Variants in IL1RAPL1 observed in about 807,000 individuals in gnomAD.
The protein encoded by IL1RAPL1 is interleukin 1 receptor accessory protein like 1, also known as interleukin-1 receptor accessory protein-like 1.
In IL1RAPL1, 3 loss-of-function variants were observed where a neutral mutation model predicts 48.4. The ratio of observed to expected loss-of-function variants is 0.06; its 90% confidence interval spans 0.03 to 0.16. The LOEUF (loss-of-function observed/expected upper bound fraction) is 0.16, where lower values mean the gene tolerates loss of function less well. IL1RAPL1 is among the 10% of genes least tolerant of loss of function. The pLI, the probability that IL1RAPL1 is intolerant of heterozygous loss-of-function variation, is 1.00. For synonymous variants in IL1RAPL1, 185 were observed against 187.7 expected (o/e 0.99, Z 0.12); for missense variants, 349 against 530.6 (o/e 0.66, Z 3.36).
intron 1 of IL1RAPL1, among the ~76,000 whole-genome samples, chrX:28,649,041 A>G (rs1390066411): frequency 2.7e-5 from 3 of 112,109 alleles, no homozygotes; most frequent in Non-Finnish European, 3.8e-5. Context: ...TATTATTGTC[A>G]TGGAAGCCAC....
At chrX:28,749,356 G>A (rs1192305426) in intron 1 of IL1RAPL1, among the ~76,000 whole-genome samples, 1 of 111,288 alleles carries the variant, frequency 9.0e-6, no homozygotes, top group Non-Finnish European at 1.9e-5. Flanking sequence ...TTCATAATGG[G>A]TGTACCAATT....
intron 5 of IL1RAPL1, among the ~76,000 whole-genome samples, chrX:29,631,532 C>T (rs779574759): frequency 2.9e-4 from 33 of 112,329 alleles, no homozygotes; most frequent in African/African-American, 9.7e-4. Context: ...CTGCCTGCCT[C>T]GGCCCCCACA....
intron 2 of IL1RAPL1, among the ~76,000 whole-genome samples, chrX:29,258,633 G>T (rs1444001112): frequency 9.1e-6 from 1 of 109,552 alleles, no homozygotes; most frequent in Non-Finnish European, 1.9e-5. Flanking sequence ...GCTCCGAAAT[G>T]TATGCACCCT....
rs189075265 is a variant in IL1RAPL1 at position 29,177,427 on chromosome X, G to A, written c.83-105511G>A. On this transcript the variant is annotated intron_variant, in intron 2 of 10. Transcript: ENST00000378993. ...GCTGAATAGACCTATTTTATTTTAT[G>A]AAAAATTGGCACAAAATGCTTCTGT... is the stretch of plus-strand genomic sequence containing the variant. Among the ~76,000 whole-genome samples the A allele has an allele frequency of 2.8e-4, 31 of 111,702 alleles. No homozygotes were observed. The East Asian group carries it at 8.7e-3, about 31-fold the overall frequency.
At position 29,093,127 on chromosome X, in the gene IL1RAPL1, A is replaced by G. The variant is rs190731517; in HGVS notation, c.83-189811A>G. 1.2e-4 allele frequency among the ~76,000 whole-genome samples: 13 copies of G among 112,086 alleles called. No individual in the cohort carries two copies. The East Asian group carries it at 3.4e-3, about 29-fold the overall frequency. ...ACAAGATCAATCAGGTGACCTTGAT[A>G]TATTAGGCTTTTCTCATATTGCTAT... On this transcript the variant is annotated intron_variant, in intron 2 of 10. Transcript: ENST00000378993.
At chrX:29,757,874 A>T (rs1296373965) in intron 6 of IL1RAPL1, among the ~76,000 whole-genome samples, 1 of 111,453 alleles carries the variant, frequency 9.0e-6, no homozygotes, top group Non-Finnish European at 1.9e-5. Flanking sequence ...TCCAATTTTA[A>T]TTTTTTTTAA....
chrX:29,897,077 T>G (rs919383214), intron 6 of IL1RAPL1, among the ~76,000 whole-genome samples: 1 of 112,284 alleles, frequency 8.9e-6, no homozygotes, highest in Non-Finnish European at 1.9e-5. Flanking sequence ...GAGTAGGGGT[T>G]CTGGGTAATC....
At chrX:29,692,018 A>T (rs976860015) in intron 6 of IL1RAPL1, among the ~76,000 whole-genome samples, 3 of 112,489 alleles carry the variant, frequency 2.7e-5, no homozygotes, top group African/African-American at 9.7e-5. Flanking sequence ...TTTACAATGA[A>T]GGTGACACAA....
intron 5 of IL1RAPL1, among the ~76,000 whole-genome samples, chrX:29,588,220 C>T (rs1923247883): frequency 1.8e-5 from 2 of 112,388 alleles, no homozygotes; most frequent in Non-Finnish European, 3.8e-5. Flanking sequence ...TCAGCACCTA[C>T]TATGTGTCAG....
At chrX:28,663,484 G>A (rs970812094) in intron 1 of IL1RAPL1, among the ~76,000 whole-genome samples, 1 of 112,058 alleles carries the variant, frequency 8.9e-6, no homozygotes, top group Non-Finnish European at 1.9e-5. Flanking sequence ...ATTGTATTTT[G>A]TATGTCTGTT....
chrX:28,819,383 C>T (rs954947190), intron 2 of IL1RAPL1, among the ~76,000 whole-genome samples: 1 of 110,998 alleles, frequency 9.0e-6, no homozygotes, highest in African/African-American at 3.3e-5. Flanking sequence ...ACAATTTCTT[C>T]ATTTACTGAA....
intron 5 of IL1RAPL1, among the ~76,000 whole-genome samples, chrX:29,603,822 G>T (rs1248686557): frequency 1.8e-5 from 2 of 112,143 alleles, no homozygotes; most frequent in Non-Finnish European, 3.8e-5. Context: ...CATTGTTAAA[G>T]TGAAACCTCC....
At chrX:28,694,395 A>G (rs1935209172) in intron 1 of IL1RAPL1, among the ~76,000 whole-genome samples, 1 of 112,151 alleles carries the variant, frequency 8.9e-6, no homozygotes, top group South Asian at 3.6e-4. Flanking sequence ...GACTTAACAT[A>G]TTATTCACTT....
intron 2 of IL1RAPL1, among the ~76,000 whole-genome samples, chrX:29,064,484 A>G (rs1473196375): frequency 1.8e-5 from 2 of 112,072 alleles, no homozygotes; most frequent in Non-Finnish European, 3.8e-5. Flanking sequence ...AAGCCAAAGA[A>G]TAAATCCATG....
chrX:28,623,395 C>T (rs889406768), intron 1 of IL1RAPL1, among the ~76,000 whole-genome samples: 6 of 111,470 alleles, frequency 5.4e-5, no homozygotes, highest in Admixed American at 9.6e-5. Flanking sequence ...TTTATCGCAA[C>T]GGGTATTCCA....
intron 5 of IL1RAPL1, among the ~76,000 whole-genome samples, chrX:29,488,387 G>A (rs985466031): frequency 3.6e-5 from 4 of 112,213 alleles, no homozygotes; most frequent in Non-Finnish European, 7.5e-5. Flanking sequence ...GCAGTGAGCT[G>A]AGATCATGCT....
chrX:28,964,823 C>CT (rs989311243), intron 2 of IL1RAPL1, among the ~76,000 whole-genome samples: 5 of 110,947 alleles, frequency 4.5e-5, no homozygotes, highest in African/African-American at 1.6e-4. Flanking sequence ...TTCCATAATT[C>CT]TTTTTTTTCT....
chrX:29,120,562 G>C (rs1223313664), intron 2 of IL1RAPL1, among the ~76,000 whole-genome samples: 3 of 111,659 alleles, frequency 2.7e-5, no homozygotes, highest in African/African-American at 9.8e-5. Context: ...ATAGTTTGAA[G>C]TTAGGTAATG....
chrX:29,655,178 C>G (rs1925638857), intron 5 of IL1RAPL1, among the ~76,000 whole-genome samples: 1 of 111,795 alleles, frequency 8.9e-6, no homozygotes, highest in African/African-American at 3.3e-5. Flanking sequence ...TCAAATCCTA[C>G]AGTAAAAGTT....
Sources: gnomAD v4.1 joint callset for allele counts (sites outside exome capture counted in the v4.1 genomes callset) on GRCh38, gnomAD v4.1.1 for gene constraint, MANE v1.5 for transcripts, NCBI Gene and HGNC (gene_info 2026-07-23, HGNC 2026-07-21) for gene names.